The following RBFOX1 variants were observed in gnomAD, a reference collection of about 807,000 sequenced individuals.
RBFOX1 encodes the protein RNA binding protein fox-1 homolog 1.
In RBFOX1, 8 loss-of-function variants were observed where a neutral mutation model predicts 57.7. The observed-to-expected ratio is 0.14, with a 90% CI of 0.08 to 0.25. The LOEUF (loss-of-function observed/expected upper bound fraction) is 0.25. Ranked by LOEUF, RBFOX1 falls within the 10% of genes least tolerant of loss-of-function variation. The pLI is 1.00. For synonymous variants in RBFOX1, 326 were observed against 222.4 expected, an observed-to-expected ratio of 1.47 and a Z score of -4.15; for missense variants, 611 against 548.5, an observed-to-expected ratio of 1.11 and a Z score of -1.14.
chr16:6,766,929 T>A (rs1366692570), intron 3 of RBFOX1, among the ~76,000 whole-genome samples: 1 of 152,110 alleles, frequency 6.6e-6, no homozygotes, highest in African/African-American at 2.4e-5. Context: ...AAGCTCTGAA[T>A]GCAGCCCGTG....
At chr16:7,393,827 C>G (rs77888071) in intron 4 of RBFOX1, among the ~76,000 whole-genome samples, 2 of 152,136 alleles carry the variant, frequency 1.3e-5, no homozygotes, top group African/African-American at 2.4e-5. Context: ...TCATGCCAGC[C>G]AAGTCCAAAC....
chr16:6,063,154 G>T (rs116901160), intron 1 of RBFOX1, among the ~76,000 whole-genome samples: 38 of 151,976 alleles, frequency 2.5e-4, no homozygotes, highest in African/African-American at 8.7e-4. Flanking sequence ...TAACACATAC[G>T]CTGACCATCC....
intron 2 of RBFOX1, among the ~76,000 whole-genome samples, chr16:6,459,906 C>G (rs561068914): frequency 7.2e-6 from 1 of 138,380 alleles, no homozygotes; most frequent in East Asian, 2.3e-4. Flanking sequence ...ATAGCTTGAA[C>G]CTGAGAGGCG....
intron 1 of RBFOX1, among the ~76,000 whole-genome samples, chr16:5,450,474 G>A (rs1366193172): frequency 6.6e-6 from 1 of 152,130 alleles, no homozygotes; most frequent in Non-Finnish European, 1.5e-5. Flanking sequence ...ACCCTGCTGC[G>A]GTACAACCAG....
intron 1 of RBFOX1, among the ~76,000 whole-genome samples, chr16:5,435,885 T>C (rs2067902589): frequency 6.6e-6 from 1 of 152,272 alleles, no homozygotes; most frequent in African/African-American, 2.4e-5. Flanking sequence ...TATTTTCGAC[T>C]ATCAACAGAG....
chr16:6,137,984 A>T (rs560080970), intron 1 of RBFOX1, among the ~76,000 whole-genome samples: 1 of 152,218 alleles, frequency 6.6e-6, no homozygotes, highest in African/African-American at 2.4e-5. Flanking sequence ...TATGTTAAGT[A>T]CCTTTTCCAT....
chr16:5,778,203 G>C (rs1157462797), intron 3 of RBFOX1, among the ~76,000 whole-genome samples: 1 of 152,156 alleles, frequency 6.6e-6, no homozygotes, highest in Non-Finnish European at 1.5e-5. Flanking sequence ...TGACTTGGTT[G>C]AGAGTTACGG....
chr16:5,414,628 T>C lies in RBFOX1; in HGVS notation c.220-52588T>C, dbSNP rs888277703. On this transcript the variant is annotated intron_variant, in intron 1 of 2. Coordinates refer to the RBFOX1 transcript ENST00000585867. ...CTTAGCTGGAGGTGACAGCTGGACCTCCATGGCTTCTCCCAATATTTCCAT... is the reference window on the plus strand; with the variant it reads ...CTTAGCTGGAGGTGACAGCTGGACCCCCATGGCTTCTCCCAATATTTCCAT... Among the ~76,000 whole-genome samples the C allele has an allele frequency of 3.3e-5, 5 of 152,228 alleles. No individual in the cohort carries two copies. The East Asian group carries it at 9.6e-4, about 29-fold the overall frequency.
intron 3 of RBFOX1, among the ~76,000 whole-genome samples, chr16:6,798,538 C>A (rs553855933): frequency 4.6e-5 from 7 of 152,098 alleles, no homozygotes; most frequent in East Asian, 1.9e-4. Flanking sequence ...CCAGATAACA[C>A]CCCCAATTCT....
intron 2 of RBFOX1, among the ~76,000 whole-genome samples, chr16:6,485,417 C>T (rs574625161): frequency 2.4e-4 from 36 of 152,020 alleles, no homozygotes; most frequent in Admixed American, 1.6e-3. Flanking sequence ...TTTTTTTCAT[C>T]TACGTGTATT....
intron 7 of RBFOX1, among the ~76,000 whole-genome samples, chr16:7,590,912 A>G (rs986738477): frequency 1.3e-5 from 2 of 151,060 alleles, no homozygotes; most frequent in Non-Finnish European, 2.9e-5. Context: ...GATTCAGTAG[A>G]TATCAGTAAG....
At chr16:6,578,598 C>CGTGTGTGTGCGTGTGT (rs2097482933) in intron 2 of RBFOX1, among the ~76,000 whole-genome samples, 2 of 110,666 alleles carry the variant, frequency 1.8e-5, no homozygotes, top group Admixed American at 1.0e-4. Flanking sequence ...GGTGTGTGTG[C>CGTGTGTGTGCGTGTGT]GTGTGTGTGT....
At chr16:7,039,371 C>T (rs1456303336) in intron 3 of RBFOX1, among the ~76,000 whole-genome samples, 1 of 152,146 alleles carries the variant, frequency 6.6e-6, no homozygotes, top group African/African-American at 2.4e-5. Flanking sequence ...ATGGTCTTCC[C>T]CAAGGTTAAG....
chr16:6,858,286 C>T (rs917626658), intron 3 of RBFOX1, among the ~76,000 whole-genome samples: 2 of 152,160 alleles, frequency 1.3e-5, no homozygotes, highest in Admixed American at 6.5e-5. Flanking sequence ...CAGAGGTCTT[C>T]CCTCTCTGTG....
Position 5,595,004 on chromosome 16 carries a change from G to C in RBFOX1, c.259-3898G>C, listed in dbSNP as rs112795265. ...AAAAAAAAAAAAAAAAAATTAGCCA[G>C]GTATGGTGGTGGGCACCTCCAATCC... On this transcript the variant is annotated intron_variant, in intron 2 of 2. Coordinates refer to the RBFOX1 transcript ENST00000585867. Among the ~76,000 whole-genome samples, 913 of 149,636 alleles carry C rather than the reference G, an allele frequency of 6.1e-3. 3 individuals carry two copies. Among genetic ancestry groups the C allele is most frequent in the Middle Eastern group, 0.01 (3 of 294 alleles).
At chr16:6,050,191 C>T (rs921835666) in intron 1 of RBFOX1, among the ~76,000 whole-genome samples, 1 of 152,136 alleles carries the variant, frequency 6.6e-6, no homozygotes, top group African/African-American at 2.4e-5. Flanking sequence ...AACTCCTGAC[C>T]TCAAGTGATC....
chr16:5,832,770 A>G (rs1597421709), intron 3 of RBFOX1, among the ~76,000 whole-genome samples: 1 of 152,334 alleles, frequency 6.6e-6, no homozygotes, highest in South Asian at 2.1e-4. Flanking sequence ...GCCAGAGTGA[A>G]CAGGAACCAA....
At chr16:7,411,838 G>A (rs2098429059) in intron 4 of RBFOX1, among the ~76,000 whole-genome samples, 1 of 150,540 alleles carries the variant, frequency 6.6e-6, no homozygotes, top group Non-Finnish European at 1.5e-5. Context: ...AGGAAGCAGT[G>A]GTTGTGGTGA....
intron 4 of RBFOX1, chr16:7,423,093 AAGAG>A (rs56239071): frequency 0.34 from 48,646 of 144,638 alleles, 8,876 homozygotes; most frequent in Middle Eastern, 0.48. Context: ...ATGAGGGAGA[AAGAG>A]AGAGAGAGAG....
Sources: gnomAD v4.1 joint callset for allele counts (sites outside exome capture counted in the v4.1 genomes callset) on GRCh38, gnomAD v4.1.1 for gene constraint, MANE v1.5 for transcripts, NCBI Gene and HGNC (gene_info 2026-07-23, HGNC 2026-07-21) for gene names.